The following CSMD1 variants were observed in gnomAD, a reference collection of about 807,000 sequenced individuals.
CSMD1 encodes CUB and sushi domain-containing protein 1.
CSMD1 carries 213 observed loss-of-function variants against 417.5 expected under a neutral mutation model. The observed-to-expected ratio is 0.51, with a 90% CI of 0.46 to 0.57. The LOEUF is 0.57. CSMD1 is among the 20% of genes least tolerant of loss of function. The probability of loss-of-function intolerance (pLI) is 0.00; values close to 1 mark genes in which losing one functional copy is unlikely to be tolerated. For synonymous variants in CSMD1, 2,862 were observed against 1,736.8 expected (o/e 1.65, Z -16.11); for missense variants, 6,923 against 4,529.7 (o/e 1.53, Z -15.17).
intron 5 of CSMD1, among the ~76,000 whole-genome samples, chr8:3,783,098 C>T (rs1799267517): frequency 6.6e-6 from 1 of 152,118 alleles, no homozygotes; most frequent in Non-Finnish European, 1.5e-5. Context: ...TAACCCCCAG[C>T]CTCCACCATC....
chr8:4,038,076 A>C (rs1041803209), intron 3 of CSMD1, among the ~76,000 whole-genome samples: 15 of 152,170 alleles, frequency 9.9e-5, no homozygotes, highest in Admixed American at 2.6e-4. Flanking sequence ...GTTTGGAAGT[A>C]AAATAACTCA....
At chr8:4,321,052 A>C (rs998799516) in intron 3 of CSMD1, among the ~76,000 whole-genome samples, 13 of 152,242 alleles carry the variant, frequency 8.5e-5, no homozygotes, top group African/African-American at 3.1e-4. Flanking sequence ...TTTGTTTTAC[A>C]CACAGATCTC....
At chr8:4,122,917 ACAAATC>A (rs1802566661) in intron 3 of CSMD1, among the ~76,000 whole-genome samples, 1 of 152,260 alleles carries the variant, frequency 6.6e-6, no homozygotes, top group African/African-American at 2.4e-5. Flanking sequence ...CTTTAAGGAC[ACAAATC>A]CACGTTAAAT....
chr8:4,425,233 A>C (rs1246960353), intron 2 of CSMD1, among the ~76,000 whole-genome samples: 1 of 152,024 alleles, frequency 6.6e-6, no homozygotes, highest in Non-Finnish European at 1.5e-5. Flanking sequence ...TAGGAACAAG[A>C]TACTAAGGGA....
intron 5 of CSMD1, among the ~76,000 whole-genome samples, chr8:3,799,447 C>G (rs2129071757): frequency 7.6e-6 from 1 of 131,758 alleles, no homozygotes; most frequent in East Asian, 2.4e-4. Flanking sequence ...CTTCTTGTGT[C>G]CAAGTGTTCT....
intron 1 of CSMD1, among the ~76,000 whole-genome samples, chr8:4,815,795 T>C (rs569542845): frequency 3.9e-5 from 6 of 151,926 alleles, no homozygotes; most frequent in Non-Finnish European, 7.4e-5. Context: ...TAGTAATTTA[T>C]CTTATAAATT....
At chr8:3,450,177 C>T (rs756229927) in intron 12 of CSMD1, among the ~76,000 whole-genome samples, 15 of 152,324 alleles carry the variant, frequency 9.8e-5, no homozygotes, top group East Asian at 3.9e-4. Flanking sequence ...TACACTCAGG[C>T]GGCCTCCAGC....
chr8:3,208,343 T>A, intron 30 of CSMD1, among the ~76,000 whole-genome samples: 1 of 152,164 alleles, frequency 6.6e-6, no homozygotes, highest in East Asian at 1.9e-4. Flanking sequence ...GTCAGCTCAC[T>A]GCAACCTCTG....
chr8:4,292,310 T>C (rs1311289991), intron 3 of CSMD1, among the ~76,000 whole-genome samples: 2 of 152,156 alleles, frequency 1.3e-5, no homozygotes. Context: ...TGGAGTGCAG[T>C]GTCGCGACCT....
intron 3 of CSMD1, among the ~76,000 whole-genome samples, chr8:4,292,731 C>T (rs1340739863): frequency 6.6e-6 from 1 of 152,020 alleles, no homozygotes; most frequent in African/African-American, 2.4e-5. Flanking sequence ...TAATATTAGG[C>T]CTCTAGTATC....
intron 5 of CSMD1, among the ~76,000 whole-genome samples, chr8:3,770,396 G>C (rs898544897): frequency 3.9e-5 from 6 of 152,126 alleles, no homozygotes; most frequent in Non-Finnish European, 5.9e-5. Context: ...AGGCACGGTG[G>C]TGCGTGCCTG....
At chr8:3,867,885 C>T (rs144828623) in intron 5 of CSMD1, among the ~76,000 whole-genome samples, 4 of 151,998 alleles carry the variant, frequency 2.6e-5, no homozygotes, top group South Asian at 4.2e-4. Flanking sequence ...CTTCCTGAAC[C>T]GTTCCCAAGA....
chr8:4,526,498 A>G (rs1796519720), intron 2 of CSMD1, among the ~76,000 whole-genome samples: 1 of 152,250 alleles, frequency 6.6e-6, no homozygotes, highest in African/African-American at 2.4e-5. Flanking sequence ...AAGCAAGAAT[A>G]CACACTCATG....
At position 2,942,545 on chromosome 8, in the gene CSMD1, C is replaced by G. The variant is rs1404880338; in HGVS notation, c.10462G>C (p.Val3488Leu). ...AAAGGAACCAGAATGGCAGCCGCCA[C>G]AGAGCCACTGCTGGTGCCGTGGTAA... ...SHYHGTSSGS[V>L]AAAILVPFFA... Residue 3488 changes from valine (V) to leucine (L), a missense_variant, in exon 69 of 70, where the codon GTG (valine) becomes CTG (leucine). Transcript: ENST00000635120. The G allele has an allele frequency of 6.2e-7, 1 of 1,610,184 alleles. No homozygotes were observed. Among genetic ancestry groups the G allele is most frequent in the Non-Finnish European group, 8.5e-7 (1 of 1,177,928 alleles).
chr8:3,093,952 G>A lies in CSMD1; in HGVS notation c.7139-2290C>T, dbSNP rs531955910. Among the ~76,000 whole-genome samples the A allele has an allele frequency of 3.2e-4, 48 of 152,180 alleles. No homozygotes were observed. The South Asian group carries it at 9.3e-3, about 30-fold the overall frequency. On this transcript the variant is annotated intron_variant, in intron 47 of 69. Transcript: ENST00000635120. Reference sequence around the variant, plus strand: ...AAGACAAAGCGTGTTTGGTATGTTGGTTTGCTTTTTGGCGTTTAAAAGGAT... The same window carrying A: ...AAGACAAAGCGTGTTTGGTATGTTGATTTGCTTTTTGGCGTTTAAAAGGAT...
chr8:4,743,660 G>C (rs188093407), intron 1 of CSMD1, among the ~76,000 whole-genome samples: 22 of 152,244 alleles, frequency 1.4e-4, no homozygotes, highest in African/African-American at 4.8e-4. Flanking sequence ...AATCATTTGT[G>C]AGTTTAGTTA....
intron 5 of CSMD1, among the ~76,000 whole-genome samples, chr8:3,866,409 T>A (rs556908135): frequency 8.4e-4 from 128 of 152,352 alleles, no homozygotes; most frequent in Non-Finnish European, 1.5e-3. Context: ...TATGGTTTAG[T>A]AAATGGAAGC....
intron 5 of CSMD1, among the ~76,000 whole-genome samples, chr8:3,789,895 C>T (rs1032916951): frequency 6.6e-6 from 1 of 151,980 alleles, no homozygotes; most frequent in African/African-American, 2.4e-5. Context: ...CCACGCCTGG[C>T]TAATTTTTTG....
At chr8:4,912,278 T>C (rs974845684) in intron 1 of CSMD1, among the ~76,000 whole-genome samples, 10 of 152,174 alleles carry the variant, frequency 6.6e-5, no homozygotes, top group African/African-American at 2.4e-4. Flanking sequence ...AGGCAGTAGA[T>C]TGTACTAAAA....
Sources: gnomAD v4.1 joint callset for allele counts (sites outside exome capture counted in the v4.1 genomes callset) on GRCh38, gnomAD v4.1.1 for gene constraint, MANE v1.5 for transcripts, NCBI Gene and HGNC (gene_info 2026-07-23, HGNC 2026-07-21) for gene names.